The following NRXN3 variants were observed in gnomAD, a reference collection of about 807,000 sequenced individuals.
NRXN3 encodes neurexin 3, also known as neurexin III.
NRXN3 carries 32 observed loss-of-function variants against 137.6 expected under a neutral mutation model. The ratio of observed to expected loss-of-function variants is 0.23; its 90% CI spans 0.18 to 0.31. The LOEUF (loss-of-function observed/expected upper bound fraction) is 0.31. Among genes scored for constraint, NRXN3 ranks in the 10% least tolerant of loss-of-function variants. The probability of loss-of-function intolerance (pLI) is 1.00; values close to 1 mark genes in which losing one functional copy is unlikely to be tolerated. For synonymous variants in NRXN3, 798 were observed against 784.5 expected (o/e 1.02, Z -0.29); for missense variants, 1,574 against 2,062.5 (o/e 0.76, Z 4.59).
At chr14:78,320,298 C>T (rs2079173277) in intron 4 of NRXN3, among the ~76,000 whole-genome samples, 1 of 152,120 alleles carries the variant, frequency 6.6e-6, no homozygotes, top group South Asian at 2.1e-4. Flanking sequence ...GCATTTAAAA[C>T]CTAAATCTGT....
intron 10 of NRXN3, among the ~76,000 whole-genome samples, chr14:78,810,956 G>A (rs2098909201): frequency 6.6e-6 from 1 of 152,150 alleles, no homozygotes; most frequent in South Asian, 2.1e-4. Context: ...AGTTCTTGAA[G>A]AAGGGTCCTA....
In NRXN3 at chr14:79,782,465, G is replaced by C. The variant is rs139438746; in HGVS notation, c.4015-22647G>C. ...AGTAAAACACGCATACAAATGAAAA[G>C]TATGGTTATTATGGTCTCTTGAATA... On this transcript the variant is annotated intron_variant, in intron 19 of 20. Transcript: ENST00000335750. 4.3e-4 allele frequency among the ~76,000 whole-genome samples: 66 copies of C among 152,200 alleles called. No homozygotes were observed. The East Asian group carries it at 0.012, about 27-fold the overall frequency.
chr14:79,414,791 T>C (rs1485065966), intron 15 of NRXN3, among the ~76,000 whole-genome samples: 2 of 152,058 alleles, frequency 1.3e-5, no homozygotes, highest in African/African-American at 4.8e-5. Flanking sequence ...GTCTCCATAC[T>C]CTATATTAGG....
At chr14:78,299,129 A>G (rs1214424905) in intron 4 of NRXN3, among the ~76,000 whole-genome samples, 7 of 152,308 alleles carry the variant, frequency 4.6e-5, no homozygotes, top group South Asian at 4.1e-4. Flanking sequence ...AGAAATTTCA[A>G]TAAGGAGATG....
chr14:78,538,779 A>G (rs1268710218), intron 4 of NRXN3, among the ~76,000 whole-genome samples: 1 of 152,188 alleles, frequency 6.6e-6, no homozygotes, highest in Non-Finnish European at 1.5e-5. Context: ...TTATTTTGAG[A>G]TAAGTTCCAT....
chr14:79,555,001 C>G (rs892002545), intron 16 of NRXN3, among the ~76,000 whole-genome samples: 1 of 152,086 alleles, frequency 6.6e-6, no homozygotes, highest in Non-Finnish European at 1.5e-5. Flanking sequence ...TATGTGCTAA[C>G]AATTATCGGG....
At chr14:79,778,583 C>T (rs1433400296) in intron 19 of NRXN3, among the ~76,000 whole-genome samples, 3 of 152,038 alleles carry the variant, frequency 2.0e-5, no homozygotes, top group Non-Finnish European at 4.4e-5. Flanking sequence ...AATGGAGTAG[C>T]ATGTTGTTTG....
chr14:79,280,360 C>T (rs1269632769), intron 15 of NRXN3: 2 of 1,614,050 alleles, frequency 1.2e-6, no homozygotes, highest in South Asian at 1.1e-5. Flanking sequence ...GGATCTGGTT[C>T]CTGTTCTGGG....
intron 4 of NRXN3, among the ~76,000 whole-genome samples, chr14:78,458,512 A>G (rs2094821316): frequency 6.6e-6 from 1 of 152,144 alleles, no homozygotes; most frequent in African/African-American, 2.4e-5. Context: ...GTGAAATCAT[A>G]TTCTTCACGT....
At chr14:79,614,814 T>A (rs1034305973) in intron 16 of NRXN3, among the ~76,000 whole-genome samples, 1 of 152,228 alleles carries the variant, frequency 6.6e-6, no homozygotes, top group African/African-American at 2.4e-5. Context: ...GACTCTTTCC[T>A]AACTGCCCTA....
At chr14:79,280,650 A>T in intron 15 of NRXN3, 1 of 1,123,320 alleles carries the variant, frequency 8.9e-7, no homozygotes, top group African/African-American at 1.6e-5. Context: ...TGAATTTAAA[A>T]TGATGAAAAG....
chr14:78,391,623 G>A (rs1422355630), intron 4 of NRXN3, among the ~76,000 whole-genome samples: 1 of 152,152 alleles, frequency 6.6e-6, no homozygotes, highest in Non-Finnish European at 1.5e-5. Context: ...ATAAAGGATT[G>A]CTGTAACTAG....
intron 2 of NRXN3, among the ~76,000 whole-genome samples, chr14:78,269,962 G>T (rs1416947433): frequency 2.0e-5 from 3 of 152,308 alleles, no homozygotes; most frequent in South Asian, 2.1e-4. Flanking sequence ...CAGCCTCAAT[G>T]ACTACTTCTT....
chr14:78,572,669 C>T (rs1202864201), intron 4 of NRXN3, among the ~76,000 whole-genome samples: 1 of 152,198 alleles, frequency 6.6e-6, no homozygotes, highest in Non-Finnish European at 1.5e-5. Flanking sequence ...GTTGACATAG[C>T]AAGTTTGAAA....
At chr14:78,318,546 A>T (rs1257278085) in intron 4 of NRXN3, among the ~76,000 whole-genome samples, 1 of 152,124 alleles carries the variant, frequency 6.6e-6, no homozygotes, top group African/African-American at 2.4e-5. Flanking sequence ...CTGCTGCTCA[A>T]TCAGCTGCTA....
chr14:78,422,904 G>A (rs2093506488), intron 4 of NRXN3, among the ~76,000 whole-genome samples: 1 of 152,224 alleles, frequency 6.6e-6, no homozygotes, highest in Non-Finnish European at 1.5e-5. Context: ...CCCCAAGAGA[G>A]ACGTGGATAG....
intron 10 of NRXN3, among the ~76,000 whole-genome samples, chr14:78,819,931 A>T (rs1011823148): frequency 6.6e-6 from 1 of 152,172 alleles, no homozygotes; most frequent in Non-Finnish European, 1.5e-5. Context: ...TCGCCTATTT[A>T]TCCTATAAAA....
chr14:79,435,122 G>C (rs11625769), intron 15 of NRXN3, among the ~76,000 whole-genome samples: 42,612 of 152,094 alleles, frequency 0.28, 6,347 homozygotes, highest in Non-Finnish European at 0.33. Context: ...ATCTTCCACA[G>C]GCTGCTGAAT....
At chr14:79,288,913 A>G (rs1380079454) in intron 15 of NRXN3, among the ~76,000 whole-genome samples, 1 of 152,170 alleles carries the variant, frequency 6.6e-6, no homozygotes, top group Admixed American at 6.5e-5. Context: ...TTTTGAATGA[A>G]TGAATCAATG....
Sources: allele counts gnomAD v4.1 joint callset (sites outside exome capture counted in the v4.1 genomes callset), GRCh38; gene constraint gnomAD v4.1.1; transcripts MANE v1.5; gene names NCBI Gene and HGNC (gene_info 2026-07-23, HGNC 2026-07-21).